EXT1: variants seen among roughly 807,000 people sequenced by gnomAD.
EXT1 encodes exostosin-1.
A neutral mutation model predicts 82.5 loss-of-function variants in EXT1; 20 were observed. The observed-to-expected ratio is 0.24, with a 90% CI of 0.17 to 0.35. The LOEUF (loss-of-function observed/expected upper bound fraction) is 0.35, where lower values mean the gene tolerates loss of function less well. Ranked by LOEUF, EXT1 falls within the 10% of genes least tolerant of loss-of-function variation. EXT1 has a pLI of 1.00. For synonymous variants in EXT1, 348 were observed against 350.8 expected, an observed-to-expected ratio of 0.99 and a Z score of 0.09; for missense variants, 757 against 936.5, an observed-to-expected ratio of 0.81 and a Z score of 2.50.
intron 1 of EXT1, among the ~76,000 whole-genome samples, chr8:118,063,201 T>C (rs1159938020): frequency 1.0e-4 from 15 of 148,686 alleles, no homozygotes; most frequent in African/African-American, 3.6e-4. Context: ...CTGGCAGTTA[T>C]AGTAAAAAAA....
intron 1 of EXT1, among the ~76,000 whole-genome samples, chr8:117,995,546 T>G (rs752019821): frequency 1.3e-5 from 2 of 152,186 alleles, no homozygotes; most frequent in Admixed American, 6.5e-5. Flanking sequence ...TGCTCTTTTC[T>G]GAACAAGCAA....
In EXT1 at chr8:117,862,546, C is replaced by T. The variant is rs150916241; in HGVS notation, c.963-25345G>A. Among the ~76,000 whole-genome samples the T allele has an allele frequency of 4.1e-5, 6 of 145,554 alleles. No individual in the cohort carries two copies. The East Asian group carries it at 9.7e-4, about 23-fold the overall frequency. On this transcript the variant is annotated intron_variant, in intron 1 of 10. Coordinates refer to ENST00000378204, the MANE Select transcript of EXT1 (RefSeq NM_000127.3). ...GCACCTCCTTCAGTAGTCAGTGAGT[C>T]GCTTATTCTTACTGGGGACCAGTGT...
intron 1 of EXT1, among the ~76,000 whole-genome samples, chr8:117,870,006 C>A (rs1042407841): frequency 1.3e-5 from 2 of 152,052 alleles, no homozygotes; most frequent in Admixed American, 6.6e-5. Context: ...GTTGCTACCC[C>A]TGTTGCGAGA....
chr8:117,819,162 G>A (rs1486525579), intron 6 of EXT1, among the ~76,000 whole-genome samples: 2 of 152,120 alleles, frequency 1.3e-5, no homozygotes, highest in African/African-American at 2.4e-5. Flanking sequence ...AAAAACCACC[G>A]TTCAATATGG....
chr8:118,003,586 T>C (rs984331717), intron 1 of EXT1, among the ~76,000 whole-genome samples: 4 of 152,196 alleles, frequency 2.6e-5, no homozygotes, highest in African/African-American at 9.6e-5. Flanking sequence ...ATTCTGCCAA[T>C]TGTATTTCAA....
At chr8:118,083,599 C>T (rs1224794602) in intron 1 of EXT1, among the ~76,000 whole-genome samples, 1 of 152,146 alleles carries the variant, frequency 6.6e-6, no homozygotes, top group Admixed American at 6.5e-5. Flanking sequence ...TAATAGGCTC[C>T]TAAGACGCCA....
chr8:117,975,464 G>A (rs1815043449), intron 1 of EXT1, among the ~76,000 whole-genome samples: 1 of 151,254 alleles, frequency 6.6e-6, no homozygotes, highest in Non-Finnish European at 1.5e-5. Flanking sequence ...TTCCCCTACA[G>A]TGCAAAGCCC....
chr8:117,965,614 A>C (rs1382387196), intron 1 of EXT1, among the ~76,000 whole-genome samples: 1 of 152,186 alleles, frequency 6.6e-6, no homozygotes, highest in African/African-American at 2.4e-5. Context: ...TATGGAATAG[A>C]ATATTTTTCT....
chr8:117,966,998 C>T (rs1038561898), intron 1 of EXT1, among the ~76,000 whole-genome samples: 4 of 152,156 alleles, frequency 2.6e-5, no homozygotes, highest in Non-Finnish European at 4.4e-5. Context: ...GCCCTAAGTA[C>T]GTTTTAAACA....
At chr8:118,100,028 C>G (rs1817690123) in intron 1 of EXT1, among the ~76,000 whole-genome samples, 1 of 152,156 alleles carries the variant, frequency 6.6e-6, no homozygotes, top group South Asian at 2.1e-4. Flanking sequence ...GACCAGGTCA[C>G]CACCATACCC....
intron 1 of EXT1, among the ~76,000 whole-genome samples, chr8:118,047,728 G>A (rs1816645267): frequency 6.6e-6 from 1 of 152,114 alleles, no homozygotes; most frequent in Admixed American, 6.5e-5. Context: ...AAAAATATCT[G>A]CTATTTATCT....
intron 1 of EXT1, among the ~76,000 whole-genome samples, chr8:117,943,435 A>G (rs970375838): frequency 2.0e-5 from 3 of 152,178 alleles, no homozygotes; most frequent in African/African-American, 7.2e-5. Flanking sequence ...AAATTATAGT[A>G]TATTTATGCA....
At chr8:117,939,929 C>T (rs1814241037) in intron 1 of EXT1, among the ~76,000 whole-genome samples, 1 of 152,198 alleles carries the variant, frequency 6.6e-6, no homozygotes, top group Admixed American at 6.5e-5. Flanking sequence ...TGAATGAGTG[C>T]TTCTATTTGG....
intron 1 of EXT1, among the ~76,000 whole-genome samples, chr8:117,892,181 C>T (rs927230863): frequency 6.6e-6 from 1 of 152,216 alleles, no homozygotes; most frequent in African/African-American, 2.4e-5. Flanking sequence ...GTTTCTGTTT[C>T]CAGTTTACCT....
At chr8:117,830,389 A>G in intron 3 of EXT1, 40 bp from the exon 4 acceptor site, 1 of 1,609,000 alleles carries the variant, frequency 6.2e-7, no homozygotes, top group Non-Finnish European at 8.5e-7. Flanking sequence ...ATAACTGTAA[A>G]ACAAAGAGAT....
intron 1 of EXT1, among the ~76,000 whole-genome samples, chr8:118,058,991 C>T (rs909410657): frequency 3.9e-5 from 6 of 152,154 alleles, no homozygotes; most frequent in African/African-American, 7.2e-5. Context: ...CCTCCCTTTT[C>T]TCCACCCCAC....
chr8:117,934,333 GC>G (rs1814118400), intron 1 of EXT1, among the ~76,000 whole-genome samples: 3 of 152,222 alleles, frequency 2.0e-5, no homozygotes, highest in Admixed American at 6.5e-5. Context: ...GGATAGAATG[GC>G]CCATAGCTGG....
At chr8:117,974,217 C>T (rs1401224490) in intron 1 of EXT1, among the ~76,000 whole-genome samples, 6 of 152,126 alleles carry the variant, frequency 3.9e-5, no homozygotes, top group South Asian at 2.1e-4. Flanking sequence ...AGGTTATTAT[C>T]GTTTAAAAGT....
chr8:117,987,867 C>T (rs1224657129), intron 1 of EXT1, among the ~76,000 whole-genome samples: 1 of 152,114 alleles, frequency 6.6e-6, no homozygotes, highest in Admixed American at 6.5e-5. Flanking sequence ...GCGGAAGGAT[C>T]GCTTGGACCC....
Sources: allele counts gnomAD v4.1 joint callset (sites outside exome capture counted in the v4.1 genomes callset), GRCh38; gene constraint gnomAD v4.1.1; transcripts MANE v1.5; gene names NCBI Gene and HGNC (gene_info 2026-07-23, HGNC 2026-07-21).